CASK: variants seen among roughly 807,000 people sequenced by gnomAD.
CASK encodes the protein calcium/calmodulin dependent serine protein kinase.
In CASK, 4 loss-of-function variants were observed where a neutral mutation model predicts 82.9. That is an observed-to-expected ratio of 0.05 (90% CI 0.02 to 0.11). The LOEUF (loss-of-function observed/expected upper bound fraction) is 0.11. Among genes scored for constraint, CASK ranks in the 10% least tolerant of loss-of-function variants. The probability of loss-of-function intolerance (pLI) is 1.00; values close to 1 mark genes in which losing one functional copy is unlikely to be tolerated. For synonymous variants in CASK, 259 were observed against 253.5 expected (o/e 1.02, Z -0.20); for missense variants, 358 against 720.9 (o/e 0.50, Z 5.76).
chrX:41,550,718 G>C (rs1289826379), intron 21 of CASK, among the ~76,000 whole-genome samples: 1 of 103,571 alleles, frequency 9.7e-6, no homozygotes, highest in Non-Finnish European at 2.0e-5. Context: ...GCAACATAGT[G>C]AGACCTCATC....
At chrX:41,688,801 T>C (rs906211529) in intron 5 of CASK, among the ~76,000 whole-genome samples, 10 of 109,921 alleles carry the variant, frequency 9.1e-5, no homozygotes, top group African/African-American at 2.3e-4. Flanking sequence ...AAGATATAAA[T>C]AATTTCCTAA....
intron 16 of CASK, among the ~76,000 whole-genome samples, chrX:41,564,880 C>T (rs1305172028): frequency 8.9e-6 from 1 of 112,148 alleles, no homozygotes; most frequent in African/African-American, 3.2e-5. Context: ...TCACAACAAA[C>T]TGTCTCTCAG....
intron 4 of CASK, among the ~76,000 whole-genome samples, chrX:41,741,636 C>T (rs2068599418): frequency 8.9e-6 from 1 of 112,022 alleles, no homozygotes; most frequent in African/African-American, 3.2e-5. Context: ...CGTATGTACA[C>T]AGCAGAATCT....
intron 12 of CASK, among the ~76,000 whole-genome samples, chrX:41,606,503 T>A (rs1180012292): frequency 8.9e-6 from 1 of 111,802 alleles, no homozygotes; most frequent in Non-Finnish European, 1.9e-5. Flanking sequence ...TCCGCCCGCC[T>A]TGGCCTCCCA....
At chrX:41,662,552 G>A (rs745949942) in intron 7 of CASK, among the ~76,000 whole-genome samples, 1 of 111,212 alleles carries the variant, frequency 9.0e-6, no homozygotes, top group African/African-American at 3.3e-5. Flanking sequence ...CACTTTGGGA[G>A]GCCGAGGCAG....
chrX:41,911,418 A>G (rs2072563282), intron 1 of CASK, among the ~76,000 whole-genome samples: 1 of 112,417 alleles, frequency 8.9e-6, no homozygotes, highest in Non-Finnish European at 1.9e-5. Context: ...TCATTCTTAC[A>G]CCTGACAATG....
intron 6 of CASK, 26 bp downstream of exon 6, chrX:41,671,402 A>ATT (rs199561120): frequency 7.0e-4 from 554 of 789,502 alleles, no homozygotes; most frequent in Middle Eastern, 1.5e-3. Context: ...GTTTTGAAGA[A>ATT]TTTTTTTTTT....
At chrX:41,793,055 A>C (rs1397263150) in intron 2 of CASK, among the ~76,000 whole-genome samples, 3 of 112,347 alleles carry the variant, frequency 2.7e-5, no homozygotes, top group African/African-American at 9.7e-5. Flanking sequence ...AAATACTTTC[A>C]CAGAAGGAAA....
At chrX:41,845,375 A>G (rs1021204407) in intron 2 of CASK, among the ~76,000 whole-genome samples, 1 of 111,762 alleles carries the variant, frequency 8.9e-6, no homozygotes, top group Non-Finnish European at 1.9e-5. Context: ...TCTTAGGTGC[A>G]TATGTGTTTA....
intron 16 of CASK, among the ~76,000 whole-genome samples, chrX:41,564,345 G>A (rs977233099): frequency 1.8e-5 from 2 of 112,019 alleles, no homozygotes; most frequent in Non-Finnish European, 3.8e-5. Context: ...AAGAAATATT[G>A]GAAAGGTTCC....
At chrX:41,873,710 T>C (rs1180278126) in intron 1 of CASK, among the ~76,000 whole-genome samples, 1 of 110,683 alleles carries the variant, frequency 9.0e-6, no homozygotes, top group Non-Finnish European at 1.9e-5. Context: ...GCTTCTACAA[T>C]ACACAATGCA....
intron 14 of CASK, chrX:41,584,270 A>G (rs2065623609): frequency 8.8e-6 from 1 of 113,082 alleles, no homozygotes; most frequent in Admixed American, 9.3e-5. Flanking sequence ...CACAGTAGAT[A>G]TATCAGCTAC....
In CASK at chrX:41,517,219, G is replaced by A. The variant is rs962228582; in HGVS notation, c.*3201C>T. 2.6e-5 allele frequency: 3 copies of A among 113,379 alleles called. No homozygotes were observed. The highest frequency in any genetic ancestry group is 3.7e-5 in the Non-Finnish European group (2 of 54,027). The allele number at this position is 113,379 out of a possible 1,213,427, so 9.3% of individuals were successfully genotyped here. ...TTTCTACTGCAGTGGGGGACTTTGC[G>A]ACATCTTTAGATATTCTGCCACCAA... On this transcript the variant is annotated 3_prime_UTR_variant, in exon 27 of 27. Coordinates refer to ENST00000378163, the MANE Select transcript of CASK (RefSeq NM_001367721.1).
chrX:41,892,352 C>T (rs1347983797), intron 1 of CASK, among the ~76,000 whole-genome samples: 1 of 105,099 alleles, frequency 9.5e-6, no homozygotes, highest in Non-Finnish European at 1.9e-5. Context: ...TTTTTCTTTT[C>T]GAGACAGAGT....
chrX:41,874,809 T>C (rs147838968), intron 1 of CASK, among the ~76,000 whole-genome samples: 2 of 112,515 alleles, frequency 1.8e-5, no homozygotes, highest in Admixed American at 1.9e-4. Context: ...TCAACTCTAG[T>C]AGATAAAATG....
intron 3 of CASK, among the ~76,000 whole-genome samples, chrX:41,776,174 G>A (rs1396532594): frequency 8.9e-6 from 1 of 112,192 alleles, no homozygotes; most frequent in Non-Finnish European, 1.9e-5. Context: ...TTATATGACT[G>A]CTAGCACAGG....
chrX:41,709,712 A>G (rs1387485336), intron 5 of CASK, among the ~76,000 whole-genome samples: 1 of 111,398 alleles, frequency 9.0e-6, no homozygotes, highest in African/African-American at 3.3e-5. Context: ...ATTATTATTA[A>G]TTTTCTAAAT....
chrX:41,871,126 CA>C lies in CASK; in HGVS notation c.60-17900del, dbSNP rs377104116. On this transcript the variant is annotated intron_variant, in intron 1 of 26. Transcript: ENST00000378163. ...GTCCATTTCCTTGTTGGCTATCAGC[CA>C]GGGGCCACTCAGTTTGTGCCACAAC... Among the ~76,000 whole-genome samples, 44 of 111,839 alleles carry C rather than the reference CA, an allele frequency of 3.9e-4. 1 individual carries two copies. Among genetic ancestry groups the C allele is most frequent in the African/African-American group, 1.4e-3 (44 of 30,798 alleles).
At chrX:41,642,221 T>C (rs551150454) in intron 8 of CASK, among the ~76,000 whole-genome samples, 2 of 111,885 alleles carry the variant, frequency 1.8e-5, no homozygotes, top group African/African-American at 3.2e-5. Context: ...TGCATGTGTC[T>C]TTATAGCAGC....
Sources: allele counts gnomAD v4.1 joint callset (sites outside exome capture counted in the v4.1 genomes callset), GRCh38; gene constraint gnomAD v4.1.1; transcripts MANE v1.5; gene names NCBI Gene and HGNC (gene_info 2026-07-23, HGNC 2026-07-21).